The following TSHZ2 variants were observed in gnomAD, a reference collection of about 807,000 sequenced individuals.
TSHZ2 encodes the protein teashirt homolog 2.
TSHZ2 carries 21 observed loss-of-function variants against 74.4 expected under a neutral mutation model. The observed-to-expected ratio is 0.28, with a 90% CI of 0.20 to 0.41. TSHZ2 has a LOEUF of 0.41. TSHZ2 is among the 10% of genes least tolerant of loss of function. TSHZ2 has a pLI of 1.00. For synonymous variants in TSHZ2, 540 were observed against 515.3 expected, an observed-to-expected ratio of 1.05 and a Z score of -0.65; for missense variants, 1,244 against 1,293.5, an observed-to-expected ratio of 0.96 and a Z score of 0.59.
At chr20:53,450,628 G>A (rs752618318) in intron 2 of TSHZ2, among the ~76,000 whole-genome samples, 16 of 152,126 alleles carry the variant, frequency 1.1e-4, no homozygotes, top group Non-Finnish European at 2.1e-4. Context: ...TGCTCAAGCA[G>A]TCTTCTCGCC....
At chr20:53,382,140 C>T (rs999157019) in intron 2 of TSHZ2, among the ~76,000 whole-genome samples, 1 of 152,142 alleles carries the variant, frequency 6.6e-6, no homozygotes, top group Non-Finnish European at 1.5e-5. Flanking sequence ...TAGGTCTAGC[C>T]CCACCTAGGG....
intron 1 of TSHZ2, among the ~76,000 whole-genome samples, chr20:52,985,153 AC>A (rs1981707949): frequency 6.6e-6 from 1 of 152,046 alleles, no homozygotes; most frequent in Admixed American, 6.6e-5. Context: ...CAACTCAGTC[AC>A]TAGGCAAGAG....
intron 1 of TSHZ2, among the ~76,000 whole-genome samples, chr20:53,241,202 C>CCATT (rs1336451292): frequency 6.6e-6 from 1 of 152,162 alleles, no homozygotes; most frequent in African/African-American, 2.4e-5. Flanking sequence ...ATTAGATTCT[C>CCATT]CAAACTGTCC....
intron 1 of TSHZ2, among the ~76,000 whole-genome samples, chr20:53,072,044 G>A (rs1161120689): frequency 2.6e-5 from 4 of 152,188 alleles, no homozygotes; most frequent in Admixed American, 2.6e-4. Context: ...TAATGCACAG[G>A]GCAGCCCCAC....
chr20:53,345,752 C>T (rs932776803), intron 2 of TSHZ2, among the ~76,000 whole-genome samples: 1 of 151,446 alleles, frequency 6.6e-6, no homozygotes, highest in Non-Finnish European at 1.5e-5. Flanking sequence ...TCCTCCCCTC[C>T]CTCTGTAATC....
chr20:53,253,576 G>C lies in TSHZ2; in HGVS notation c.118G>C (p.Ala40Pro). ...EEEEEDSGSV[A>P]QLQGGNDTGT... ...GGAGGAGGAGGACAGCGGTTCAGTA[G>C]CTCAACTGCAGGGTGGCAATGACAC... The change falls in exon 2 of 3, where the codon GCT becomes CCT. Residue 40 changes from alanine (A) to proline (P), a missense_variant. Coordinates refer to ENST00000371497, the MANE Select transcript of TSHZ2 (RefSeq NM_173485.6). 2 of 1,614,038 alleles carry C rather than the reference G, an allele frequency of 1.2e-6. No homozygotes were observed. Among genetic ancestry groups the C allele is most frequent in the South Asian group, 1.1e-5 (1 of 91,066 alleles).
At chr20:53,369,762 T>G (rs1434595987) in intron 2 of TSHZ2, among the ~76,000 whole-genome samples, 1 of 151,934 alleles carries the variant, frequency 6.6e-6, no homozygotes, top group African/African-American at 2.4e-5. Context: ...TATTCAAATA[T>G]GACAAGGAGG....
chr20:53,148,618 A>C (rs1361998129), intron 1 of TSHZ2, among the ~76,000 whole-genome samples: 1 of 152,182 alleles, frequency 6.6e-6, no homozygotes, highest in East Asian at 1.9e-4. Flanking sequence ...AAGAAAAAAA[A>C]AGTTTTTGCA....
intron 1 of TSHZ2, among the ~76,000 whole-genome samples, chr20:53,243,568 T>C (rs569337527): frequency 9.0e-4 from 137 of 152,286 alleles, no homozygotes; most frequent in African/African-American, 3.1e-3. Flanking sequence ...ATGACTGTGC[T>C]GGTGGAGAGT....
chr20:53,119,258 AT>A (rs549203111), intron 1 of TSHZ2, among the ~76,000 whole-genome samples: 144 of 152,360 alleles, frequency 9.5e-4, no homozygotes, highest in Non-Finnish European at 2.0e-3. Flanking sequence ...GCATACATTC[AT>A]TTAATTGTTA....
In TSHZ2 at chr20:53,222,104, A is replaced by G. The variant is rs553212409; in HGVS notation, c.41-31395A>G. Among the ~76,000 whole-genome samples, 7 of 152,332 alleles carry G rather than the reference A, an allele frequency of 4.6e-5. No individual in the cohort carries two copies. The East Asian group carries it at 1.3e-3, about 29-fold the overall frequency. Reference sequence around the variant, plus strand: ...TCTTATAATATTTAGGCTAAAAGATATAAAAAGAGGATAGAGACCATTCTT... The same window carrying G: ...TCTTATAATATTTAGGCTAAAAGATGTAAAAAGAGGATAGAGACCATTCTT... On this transcript the variant is annotated intron_variant, in intron 1 of 2. Transcript: ENST00000371497.
intron 1 of TSHZ2, among the ~76,000 whole-genome samples, chr20:53,200,997 T>C (rs1458429862): frequency 2.7e-5 from 4 of 150,476 alleles, no homozygotes; most frequent in Admixed American, 6.7e-5. Flanking sequence ...TTTTGGGATA[T>C]GTTTGAAATT....
chr20:53,201,136 G>C (rs1392466326), intron 1 of TSHZ2, among the ~76,000 whole-genome samples: 3 of 152,154 alleles, frequency 2.0e-5, no homozygotes, highest in Non-Finnish European at 4.4e-5. Context: ...AATTATCAAA[G>C]AGTTCTGAGC....
intron 2 of TSHZ2, among the ~76,000 whole-genome samples, chr20:53,469,045 T>TTATATATATATATATA (rs143724013): frequency 0.012 from 589 of 48,862 alleles, 36 homozygotes; most frequent in Non-Finnish European, 0.017. Flanking sequence ...AATCGATATT[T>TTATATATATATATATA]TATATATATA....
chr20:53,433,716 C>T lies in TSHZ2; in HGVS notation c.*9-53428C>T, dbSNP rs530229348. ...GGACTAATCCAGTAGCAAGAATGTT[C>T]TGTCAGTCCTTTTTACCTTTTCTCC... On this transcript the variant is annotated intron_variant, in intron 2 of 2. Coordinates refer to ENST00000371497, the MANE Select transcript of TSHZ2 (RefSeq NM_173485.6). Among the ~76,000 whole-genome samples, 4 of 152,202 alleles carry T rather than the reference C, an allele frequency of 2.6e-5. No homozygotes were observed. In the East Asian group the frequency reaches 7.7e-4, roughly 29 times the overall value.
chr20:53,473,378 C>A (rs1018282100), intron 2 of TSHZ2, among the ~76,000 whole-genome samples: 1 of 142,554 alleles, frequency 7.0e-6, no homozygotes, highest in Admixed American at 7.0e-5. Flanking sequence ...AACTGGCAGG[C>A]ACCCCCCAGC....
At chr20:53,301,677 A>G (rs562696841) in intron 2 of TSHZ2, among the ~76,000 whole-genome samples, 1 of 152,366 alleles carries the variant, frequency 6.6e-6, no homozygotes, top group East Asian at 1.9e-4. Context: ...ACTTCTGTTC[A>G]GTAGATACCC....
At chr20:53,391,115 C>G (rs891083105) in intron 2 of TSHZ2, among the ~76,000 whole-genome samples, 3 of 147,546 alleles carry the variant, frequency 2.0e-5, no homozygotes, top group Non-Finnish European at 4.5e-5. Flanking sequence ...ATATACTACA[C>G]TTTTGTTTTG....
chr20:53,051,860 C>T lies in TSHZ2; in HGVS notation c.40+78527C>T, dbSNP rs377091746. On this transcript the variant is annotated intron_variant, in intron 1 of 2. Coordinates refer to ENST00000371497, the MANE Select transcript of TSHZ2 (RefSeq NM_173485.6). ...AAAAGAAAGGTGCGAACCCATAGAA[C>T]GGACCTTTGCAGGAGAAAGAAACAA... 5.8e-4 allele frequency among the ~76,000 whole-genome samples: 89 copies of T among 152,270 alleles called. No individual in the cohort carries two copies. The Middle Eastern group carries it at 0.014, about 23-fold the overall frequency.
Sources: allele counts gnomAD v4.1 joint callset (sites outside exome capture counted in the v4.1 genomes callset), GRCh38; gene constraint gnomAD v4.1.1; transcripts MANE v1.5; gene names NCBI Gene and HGNC (gene_info 2026-07-23, HGNC 2026-07-21).